PPP6R2: variants seen among roughly 807,000 people sequenced by gnomAD.
The protein encoded by PPP6R2 is protein phosphatase 6 regulatory subunit 2, also known as serine/threonine-protein phosphatase 6 regulatory subunit 2.
Under a neutral mutation model 100.2 loss-of-function variants are expected in PPP6R2, and 62 were observed. The observed-to-expected ratio is 0.62, with a 90% CI of 0.50 to 0.76. The LOEUF (loss-of-function observed/expected upper bound fraction) is 0.76, where lower values mean the gene tolerates loss of function less well. Among genes scored for constraint, PPP6R2 ranks in the 30% least tolerant of loss-of-function variants. The pLI, the probability that PPP6R2 is intolerant of heterozygous loss-of-function variation, is 0.00. For missense variants in PPP6R2, 1,142 were observed against 1,276.3 expected (o/e 0.89, Z 1.60); for synonymous variants, 525 against 514.7 (o/e 1.02, Z -0.27).
chr22:50,337,540 C>T, the PPP6R2 span, among the ~76,000 whole-genome samples: 9 of 87,472 alleles, frequency 1.0e-4, no homozygotes, highest in East Asian at 1.2e-3. Flanking sequence ...ATAGTGTGTG[C>T]GATGTGTGGT....
intron 1 of PPP6R2, among the ~76,000 whole-genome samples, chr22:50,356,972 T>C (rs528088990): frequency 5.4e-4 from 82 of 152,166 alleles, no homozygotes; most frequent in South Asian, 2.3e-3. Context: ...ACTTCCAGTT[T>C]TCCAAACTGG....
At chr22:50,421,418 G>A (rs1009198509) in intron 8 of PPP6R2, among the ~76,000 whole-genome samples, 2 of 152,144 alleles carry the variant, frequency 1.3e-5, no homozygotes, top group African/African-American at 4.8e-5. Flanking sequence ...TCATATCTCA[G>A]CGTGGCCTCA....
At chr22:50,387,975 G>A (rs1366466803) in intron 2 of PPP6R2, among the ~76,000 whole-genome samples, 1 of 152,086 alleles carries the variant, frequency 6.6e-6, no homozygotes, top group Non-Finnish European at 1.5e-5. Flanking sequence ...AGCTCACACC[G>A]CAGAGCTAGG....
At chr22:50,384,430 C>G (rs1034431929) in intron 2 of PPP6R2, among the ~76,000 whole-genome samples, 1 of 152,024 alleles carries the variant, frequency 6.6e-6, no homozygotes, top group Non-Finnish European at 1.5e-5. Flanking sequence ...TGGCGGGTGC[C>G]TGTAGTCCCA....
chr22:50,403,353 A>T (rs999030104), intron 3 of PPP6R2, among the ~76,000 whole-genome samples: 1 of 151,812 alleles, frequency 6.6e-6, no homozygotes, highest in African/African-American at 2.4e-5. Flanking sequence ...CACCGGTCTT[A>T]GTGTTAGAGA....
At chr22:50,381,752 C>G (rs2053085141) in intron 2 of PPP6R2, among the ~76,000 whole-genome samples, 1 of 151,684 alleles carries the variant, frequency 6.6e-6, no homozygotes, top group Non-Finnish European at 1.5e-5. Context: ...ACTAAAAATA[C>G]AAAAAATTAG....
intron 2 of PPP6R2, among the ~76,000 whole-genome samples, chr22:50,382,836 A>ATTTTTTTTTTTTTTTTTTTTTT (rs532410577): frequency 7.1e-6 from 1 of 141,278 alleles, no homozygotes; most frequent in Non-Finnish European, 1.5e-5. Context: ...TTACAAGCAA[A>ATTTTTTTTTTTTTTTTTTTTTT]TTTTTTTTTT....
chr22:50,382,891 G>T (rs1257856039), intron 2 of PPP6R2, among the ~76,000 whole-genome samples: 5 of 149,996 alleles, frequency 3.3e-5, no homozygotes, highest in Non-Finnish European at 7.4e-5. Flanking sequence ...AGGCTGGAGT[G>T]CAATGGCACA....
chr22:50,432,524 T>TG (rs907945013), intron 12 of PPP6R2, among the ~76,000 whole-genome samples, 195 bp downstream of exon 12: 7 of 152,002 alleles, frequency 4.6e-5, no homozygotes, highest in African/African-American at 1.7e-4. Context: ...AAATGCTACT[T>TG]GGGGAGGGGA....
intron 10 of PPP6R2, among the ~76,000 whole-genome samples, chr22:50,428,516 G>A (rs950156767): frequency 4.6e-5 from 7 of 152,128 alleles, no homozygotes; most frequent in African/African-American, 1.7e-4. Context: ...TTTAAGACCA[G>A]CCTGGGCAAC....
At chr22:50,399,853 C>T (rs1006132231) in intron 3 of PPP6R2, among the ~76,000 whole-genome samples, 1 of 152,194 alleles carries the variant, frequency 6.6e-6, no homozygotes, top group Non-Finnish European at 1.5e-5. Flanking sequence ...GCAGAGGGCG[C>T]CACCCCAGGG....
chr22:50,405,833 TGTGAA>T, intron 3 of PPP6R2, among the ~76,000 whole-genome samples: 1 of 42,962 alleles, frequency 2.3e-5, no homozygotes, highest in Non-Finnish European at 4.4e-5. Flanking sequence ...GGCAGGTGAG[TGTGAA>T]GGCCTGGAGG....
At chr22:50,351,665 C>T (rs1479540058) in intron 1 of PPP6R2, among the ~76,000 whole-genome samples, 3 of 151,938 alleles carry the variant, frequency 2.0e-5, no homozygotes, top group East Asian at 3.9e-4. Flanking sequence ...ATGGAGTCTC[C>T]CTCTGTCACC....
At chr22:50,435,674 G>C (rs914390194) in intron 13 of PPP6R2, among the ~76,000 whole-genome samples, 1 of 152,154 alleles carries the variant, frequency 6.6e-6, no homozygotes, top group Non-Finnish European at 1.5e-5. Flanking sequence ...GGACCATAGT[G>C]AGGGGACTCC....
At chr22:50,368,235 G>C (rs1457585773) in intron 1 of PPP6R2, among the ~76,000 whole-genome samples, 1 of 152,306 alleles carries the variant, frequency 6.6e-6, no homozygotes, top group East Asian at 1.9e-4. Flanking sequence ...GGGCCTGACT[G>C]ATGTCAGGCC....
chr22:50,337,745 G>T, the PPP6R2 span, among the ~76,000 whole-genome samples: 2 of 146,478 alleles, frequency 1.4e-5, no homozygotes, highest in African/African-American at 5.0e-5. Flanking sequence ...AGTGTGTGTG[G>T]TATGTGGAGT....
Position 50,444,508 on chromosome 22 carries a change from G to A in PPP6R2, c.*261G>A, listed in dbSNP as rs1019967104. On this transcript the variant is annotated 3_prime_UTR_variant, in exon 24 of 24. Coordinates refer to ENST00000612753, the MANE Select transcript of PPP6R2 (RefSeq NM_001242898.2). ...CCCAAGCCCAGAGCACAGCAATAAG[G>A]TCGGCCTGCAGGAGCCGGGGTGGGG... 1.8e-5 allele frequency: 6 copies of A among 342,396 alleles called. No homozygotes were observed. The highest frequency in any genetic ancestry group is 2.0e-5 in the Non-Finnish European group (4 of 195,820). The allele number at this position is 342,396 out of a possible 1,614,324, so 21.2% of individuals were successfully genotyped here.
At chr22:50,337,251 G>GT in the PPP6R2 span, among the ~76,000 whole-genome samples, 1 of 139,936 alleles carries the variant, frequency 7.1e-6, no homozygotes, top group African/African-American at 2.8e-5. Context: ...GTGTGTGTGT[G>GT]GTGTGTGTGC....
upstream of PPP6R2, among the ~76,000 whole-genome samples, chr22:50,341,204 G>T (rs754995397): frequency 6.6e-6 from 1 of 152,012 alleles, no homozygotes; most frequent in African/African-American, 2.4e-5. Context: ...GAGCCACCGC[G>T]CCTGTCCCTT....
Sources: gnomAD v4.1 joint callset for allele counts (sites outside exome capture counted in the v4.1 genomes callset) on GRCh38, gnomAD v4.1.1 for gene constraint, MANE v1.5 for transcripts, NCBI Gene and HGNC (gene_info 2026-07-23, HGNC 2026-07-21) for gene names.